PBX1: variants seen among roughly 807,000 people sequenced by gnomAD.
PBX1 encodes PBX homeobox 1.
A neutral mutation model predicts 53.4 loss-of-function variants in PBX1; 6 were observed. The ratio of observed to expected loss-of-function variants is 0.11; its 90% CI spans 0.06 to 0.22. The LOEUF (loss-of-function observed/expected upper bound fraction) is 0.22. Among genes scored for constraint, PBX1 ranks in the 10% least tolerant of loss-of-function variants. The pLI is 1.00. For synonymous variants in PBX1, 204 were observed against 212.3 expected, an observed-to-expected ratio of 0.96 and a Z score of 0.34; for missense variants, 251 against 551.4, an observed-to-expected ratio of 0.46 and a Z score of 5.46.
intron 2 of PBX1, among the ~76,000 whole-genome samples, chr1:164,857,608 A>G (rs1321682614): frequency 2.0e-5 from 3 of 152,188 alleles, no homozygotes; most frequent in Non-Finnish European, 4.4e-5. Flanking sequence ...CCAGCTTCAT[A>G]CTTAAGCTGT....
intron 2 of PBX1, among the ~76,000 whole-genome samples, chr1:164,660,781 T>C (rs1473909201): frequency 6.6e-6 from 1 of 152,178 alleles, no homozygotes; most frequent in Non-Finnish European, 1.5e-5. Flanking sequence ...TAAAGTATAT[T>C]ATTTCTTCTT....
chr1:164,654,748 C>T (rs1161524709), intron 2 of PBX1, among the ~76,000 whole-genome samples: 1 of 152,216 alleles, frequency 6.6e-6, no homozygotes, highest in Non-Finnish European at 1.5e-5. Flanking sequence ...AAGGCCTATT[C>T]AGAAAGGATT....
intron 6 of PBX1, chr1:164,813,400 G>A (rs1426775277): frequency 6.6e-6 from 1 of 152,202 alleles, no homozygotes; most frequent in Non-Finnish European, 1.5e-5. Flanking sequence ...AGATTCCTAT[G>A]AGGAGCATAT....
chr1:164,683,889 G>A (rs1042543136), intron 2 of PBX1: 4 of 151,980 alleles, frequency 2.6e-5, no homozygotes, highest in African/African-American at 9.7e-5. Flanking sequence ...CGTGATCATA[G>A]TTCACTTCAG....
In PBX1 at chr1:164,849,727, T is replaced by G. The variant is rs1254609474; in HGVS notation, c.*3051T>G. 5.5e-5 allele frequency: 15 copies of G among 270,796 alleles called. No homozygotes were observed. The Admixed American group carries it at 8.0e-4, about 14-fold the overall frequency. The allele number at this position is 270,796 out of a possible 1,614,324, so 16.8% of individuals were successfully genotyped here. ...TGCAGTACATTTGCCAAGTGGCACCTTCTTTCAATTTATGTTTTATTTTGC... is the reference window on the plus strand; with the variant it reads ...TGCAGTACATTTGCCAAGTGGCACCGTCTTTCAATTTATGTTTTATTTTGC... On this transcript the variant is annotated 3_prime_UTR_variant, in exon 9 of 9. Transcript: ENST00000420696.
At chr1:164,758,599 A>G (rs540766764) in intron 2 of PBX1, among the ~76,000 whole-genome samples, 2 of 152,046 alleles carry the variant, frequency 1.3e-5, no homozygotes, top group East Asian at 1.9e-4. Context: ...CTCCGTCACA[A>G]CCTTTCCTAT....
Position 164,875,937 on chromosome 1 carries a change from C to T in PBX1, n.258-23251C>T, listed in dbSNP as rs189556252. Among the ~76,000 whole-genome samples, 463 of 102,310 alleles carry T rather than the reference C, an allele frequency of 4.5e-3. 4 individuals carry two copies. Among genetic ancestry groups the T allele is most frequent in the African/African-American group, 0.012 (413 of 35,784 alleles). The allele number at this position is 102,310 out of a possible 152,430, so 67.1% of individuals were successfully genotyped here. A position where few individuals can be genotyped will look rare whatever the true frequency, so the allele number is the denominator to read the frequency against. ...CAAAAAAGTATTGTCTCAATAGATG[C>T]GTTGCAAATGCCAAAAAAGAAATGT... On this transcript the variant is annotated intron_variant and non_coding_transcript_variant, in intron 2 of 2. Coordinates refer to the PBX1 transcript ENST00000558796.
chr1:164,635,677 C>G (rs972114701), intron 2 of PBX1, among the ~76,000 whole-genome samples: 1 of 152,244 alleles, frequency 6.6e-6, no homozygotes, highest in Non-Finnish European at 1.5e-5. Flanking sequence ...GATCCACACA[C>G]TCAGCTATCA....
chr1:164,634,223 G>C (rs1658596260), intron 2 of PBX1, among the ~76,000 whole-genome samples: 2 of 152,234 alleles, frequency 1.3e-5, no homozygotes, highest in African/African-American at 4.8e-5. Flanking sequence ...TGGGGTTTCT[G>C]TGAGGTTTGG....
At position 164,846,981 on chromosome 1, in the gene PBX1, T is replaced by C. The variant is rs1487807102; in HGVS notation, c.*305T>C. 14 of 1,216,122 alleles carry C rather than the reference T, an allele frequency of 1.2e-5. No homozygotes were observed. Among genetic ancestry groups the C allele is most frequent in the Non-Finnish European group, 1.4e-5 (14 of 970,924 alleles). 75.3% of individuals were successfully genotyped at this position (1,216,122 alleles called of 1,614,324 possible). ...CTAGACTCCCGGGGTCCCCGCCCTC[T>C]CTCATATCACTGAAGGATATTTTCA... On this transcript the variant is annotated 3_prime_UTR_variant, in exon 9 of 9. Coordinates refer to ENST00000420696, the MANE Select transcript of PBX1 (RefSeq NM_002585.4).
intron 2 of PBX1, among the ~76,000 whole-genome samples, chr1:164,722,874 A>G (rs1359870377): frequency 3.3e-5 from 5 of 152,176 alleles, no homozygotes; most frequent in African/African-American, 1.2e-4. Flanking sequence ...TCCAAACCTT[A>G]TAGCCGTGAT....
intron 2 of PBX1, chr1:164,770,730 T>C (rs1339967546): frequency 6.6e-6 from 1 of 152,238 alleles, no homozygotes; most frequent in African/African-American, 2.4e-5. Context: ...GCCATGTCTT[T>C]TGATGCCCTT....
intron 2 of PBX1, among the ~76,000 whole-genome samples, chr1:164,741,497 C>T (rs1665599138): frequency 6.6e-6 from 1 of 152,106 alleles, no homozygotes. Context: ...GTCTTTTGGC[C>T]CTGCCATTTA....
chr1:164,679,269 C>A (rs1661609422), intron 2 of PBX1, among the ~76,000 whole-genome samples: 1 of 152,128 alleles, frequency 6.6e-6, no homozygotes, highest in Non-Finnish European at 1.5e-5. Flanking sequence ...GACTACAAAA[C>A]CCTTGCCAAA....
At chr1:164,611,272 CTG>C (rs1208861266) in intron 2 of PBX1, among the ~76,000 whole-genome samples, 1 of 152,134 alleles carries the variant, frequency 6.6e-6, no homozygotes, top group Non-Finnish European at 1.5e-5. Flanking sequence ...GAGTCTTACT[CTG>C]TCGCCCAGGC....
chr1:164,619,687 A>AT (rs145298011), intron 2 of PBX1, among the ~76,000 whole-genome samples: 23 of 149,170 alleles, frequency 1.5e-4, no homozygotes, highest in African/African-American at 2.5e-4. Context: ...AGATACACAC[A>AT]TTTTTTTTTT....
intron 2 of PBX1, among the ~76,000 whole-genome samples, chr1:164,709,911 A>G (rs1316148087): frequency 3.3e-5 from 5 of 152,166 alleles, no homozygotes; most frequent in Non-Finnish European, 7.3e-5. Flanking sequence ...GCAGAAGGAA[A>G]GCATGGAGAT....
At chr1:164,870,961 C>T (rs2102454481) in intron 2 of PBX1, among the ~76,000 whole-genome samples, 1 of 152,180 alleles carries the variant, frequency 6.6e-6, no homozygotes, top group South Asian at 2.1e-4. Flanking sequence ...TCCCTTTTCA[C>T]ACCTGTCAAC....
intron 2 of PBX1, chr1:164,679,985 T>A (rs1301277727): frequency 6.6e-6 from 1 of 152,144 alleles, no homozygotes; most frequent in Non-Finnish European, 1.5e-5. Context: ...AAAGGAGTGT[T>A]GTTGGAAATA....
Sources: allele counts gnomAD v4.1 joint callset (sites outside exome capture counted in the v4.1 genomes callset), GRCh38; gene constraint gnomAD v4.1.1; transcripts MANE v1.5; gene names NCBI Gene and HGNC (gene_info 2026-07-23, HGNC 2026-07-21).